The following SLC24A3 variants were observed in gnomAD, a reference collection of about 807,000 sequenced individuals.
SLC24A3 encodes the protein sodium/potassium/calcium exchanger 3.
Under a neutral mutation model 75.8 loss-of-function variants are expected in SLC24A3, and 28 were observed. That is an observed-to-expected ratio of 0.37 (90% CI 0.27 to 0.51). SLC24A3 has a LOEUF of 0.51. Among genes scored for constraint, SLC24A3 ranks in the 20% least tolerant of loss-of-function variants. The probability of loss-of-function intolerance (pLI) is 0.94; values close to 1 mark genes in which losing one functional copy is unlikely to be tolerated. For synonymous variants in SLC24A3, 372 were observed against 334.1 expected (o/e 1.11, Z -1.24); for missense variants, 663 against 847.8 (o/e 0.78, Z 2.71).
At chr20:19,401,922 A>C (rs1346125935) in intron 2 of SLC24A3, among the ~76,000 whole-genome samples, 1 of 152,118 alleles carries the variant, frequency 6.6e-6, no homozygotes, top group Non-Finnish European at 1.5e-5. Flanking sequence ...CACACGTTTT[A>C]TTGATCACCT....
At chr20:19,693,663 T>G in intron 13 of SLC24A3, 1 of 451,798 alleles carries the variant, frequency 2.2e-6, no homozygotes, top group Non-Finnish European at 3.8e-6. Flanking sequence ...GCAGCTCTGC[T>G]TCAGGCTTCA....
At chr20:19,422,448 C>T (rs372215266) in intron 2 of SLC24A3, among the ~76,000 whole-genome samples, 1 of 152,066 alleles carries the variant, frequency 6.6e-6, no homozygotes. Context: ...TGATGTATCC[C>T]AGAAAGAACT....
intron 2 of SLC24A3, among the ~76,000 whole-genome samples, chr20:19,369,928 A>G (rs1985963691): frequency 6.6e-6 from 1 of 152,240 alleles, no homozygotes; most frequent in Admixed American, 6.5e-5. Flanking sequence ...TCGGCCTCTC[A>G]AAGTGCTGAG....
chr20:19,583,104 C>T (rs1413082011), intron 4 of SLC24A3, among the ~76,000 whole-genome samples: 3 of 152,162 alleles, frequency 2.0e-5, no homozygotes, highest in African/African-American at 7.2e-5. Context: ...CCCATCCCAT[C>T]CCAGGGCTCC....
At chr20:19,497,728 G>A (rs1988316634) in intron 2 of SLC24A3, among the ~76,000 whole-genome samples, 1 of 152,166 alleles carries the variant, frequency 6.6e-6, no homozygotes, top group African/African-American at 2.4e-5. Flanking sequence ...TTCCCACTCT[G>A]TGAAGCACAG....
intron 15 of SLC24A3, among the ~76,000 whole-genome samples, chr20:19,717,065 A>G (rs1328082605): frequency 1.3e-5 from 2 of 152,262 alleles, no homozygotes; most frequent in Non-Finnish European, 2.9e-5. Flanking sequence ...GGGGAAGGAC[A>G]GAGACATTTT....
intron 3 of SLC24A3, among the ~76,000 whole-genome samples, chr20:19,548,594 C>T (rs548756144): frequency 2.2e-4 from 33 of 152,306 alleles, no homozygotes; most frequent in South Asian, 8.3e-4. Context: ...ACAAGGCTAA[C>T]GCCAAGGTGT....
intron 2 of SLC24A3, among the ~76,000 whole-genome samples, chr20:19,475,833 C>T (rs1342782670): frequency 6.6e-6 from 1 of 152,054 alleles, no homozygotes; most frequent in East Asian, 1.9e-4. Flanking sequence ...TGGAGAGCAA[C>T]AAAGAAACAT....
intron 3 of SLC24A3, among the ~76,000 whole-genome samples, chr20:19,529,088 C>A (rs551866542): frequency 6.6e-6 from 1 of 152,128 alleles, no homozygotes; most frequent in South Asian, 2.1e-4. Context: ...ACAATAGGCA[C>A]TAATTTTTAA....
chr20:19,313,302 T>C (rs764861526), intron 2 of SLC24A3, among the ~76,000 whole-genome samples: 28 of 152,212 alleles, frequency 1.8e-4, no homozygotes, highest in Admixed American at 1.3e-3. Flanking sequence ...CCCAAAGTGC[T>C]GGGATTACAG....
At chr20:19,300,156 C>T (rs1322865734) in intron 2 of SLC24A3, among the ~76,000 whole-genome samples, 1 of 152,228 alleles carries the variant, frequency 6.6e-6, no homozygotes, top group Non-Finnish European at 1.5e-5. Context: ...TTTGATATTT[C>T]TCTTACATGA....
intron 2 of SLC24A3, among the ~76,000 whole-genome samples, chr20:19,395,183 G>C (rs982625258): frequency 3.3e-5 from 5 of 152,138 alleles, no homozygotes; most frequent in African/African-American, 4.8e-5. Context: ...CCAGGTACTG[G>C]GGGGAGAAAT....
chr20:19,447,182 G>A (rs1987401363), intron 2 of SLC24A3, among the ~76,000 whole-genome samples: 1 of 152,138 alleles, frequency 6.6e-6, no homozygotes, highest in South Asian at 2.1e-4. Context: ...TGAAATCTGG[G>A]AATACTTACC....
intron 2 of SLC24A3, among the ~76,000 whole-genome samples, chr20:19,428,751 G>C (rs1361277549): frequency 6.6e-6 from 1 of 151,574 alleles, no homozygotes; most frequent in African/African-American, 2.4e-5. Context: ...TGTTGGGTAC[G>C]TTGCAGCTTC....
rs937514790 is a variant in SLC24A3, at chr20:19,521,887, A to G, written c.348+6323A>G. Among the ~76,000 whole-genome samples the G allele has an allele frequency of 1.1e-4, 16 of 151,868 alleles. 1 individual carries two copies. The highest frequency in any genetic ancestry group is 7.2e-4 in the Admixed American group (11 of 15,252). On this transcript the variant is annotated intron_variant, in intron 3 of 16. Coordinates refer to ENST00000328041, the MANE Select transcript of SLC24A3 (RefSeq NM_020689.4). ...GCCCCCATCTCCTCCAGTATTTTGT[A>G]TATTTAAGCTCACTTTCCACCTCAC...
At chr20:19,283,076 A>G (rs1393189660) in intron 2 of SLC24A3, 1 of 152,712 alleles carries the variant, frequency 6.5e-6, no homozygotes, top group African/African-American at 2.4e-5. Flanking sequence ...AAGCTGAGTC[A>G]TGCTGCGAAA....
At chr20:19,487,300 A>G (rs929515634) in intron 2 of SLC24A3, among the ~76,000 whole-genome samples, 3 of 152,186 alleles carry the variant, frequency 2.0e-5, no homozygotes, top group Admixed American at 6.5e-5. Context: ...TCCTTCCAAG[A>G]GCACAAAGAG....
intron 2 of SLC24A3, among the ~76,000 whole-genome samples, chr20:19,293,044 T>G (rs1447165213): frequency 6.9e-6 from 1 of 145,714 alleles, no homozygotes; most frequent in Non-Finnish European, 1.5e-5. Flanking sequence ...GGCTAGGAAT[T>G]TAGCATGAGA....
chr20:19,310,823 A>C (rs1480093550), intron 2 of SLC24A3, among the ~76,000 whole-genome samples: 1 of 152,170 alleles, frequency 6.6e-6, no homozygotes, highest in Admixed American at 6.5e-5. Flanking sequence ...CTTTAGCCAC[A>C]TTCAACTTTT....
Sources: gnomAD v4.1 joint callset for allele counts (sites outside exome capture counted in the v4.1 genomes callset) on GRCh38, gnomAD v4.1.1 for gene constraint, MANE v1.5 for transcripts, NCBI Gene and HGNC (gene_info 2026-07-23, HGNC 2026-07-21) for gene names.